C2orf80: variants seen among roughly 807,000 people sequenced by gnomAD.
C2orf80 encodes chromosome 2 open reading frame 80.
In C2orf80, 28 loss-of-function variants were observed where a neutral mutation model predicts 30.2. The observed-to-expected ratio is 0.93, with a 90% CI of 0.69 to 1.27. The LOEUF (loss-of-function observed/expected upper bound fraction) is 1.27. Ranked by LOEUF, C2orf80 falls within the 50% of genes most tolerant of loss-of-function variation. The pLI, the probability that C2orf80 is intolerant of heterozygous loss-of-function variation, is 0.00. For missense variants in C2orf80, 220 were observed against 231.0 expected (o/e 0.95, Z 0.31); for synonymous variants, 80 against 76.4 (o/e 1.05, Z -0.24).
chr2:208,172,484 C>T (rs778635817), intron 6 of C2orf80, among the ~76,000 whole-genome samples: 1 of 152,140 alleles, frequency 6.6e-6, no homozygotes, highest in East Asian at 1.9e-4. Flanking sequence ...CCCCTGCCTA[C>T]CCAATGCAGA....
At chr2:208,172,131 C>A (rs1696122199) in intron 6 of C2orf80, 56 bp from the exon 7 acceptor site, 1 of 1,323,330 alleles carries the variant, frequency 7.6e-7, no homozygotes, top group South Asian at 1.2e-5. Context: ...GGCATGAACA[C>A]CTGCTAGTCA....
chr2:208,169,999 A>G (rs1696043291), intron 8 of C2orf80, among the ~76,000 whole-genome samples: 1 of 152,182 alleles, frequency 6.6e-6, no homozygotes, highest in South Asian at 2.1e-4. Flanking sequence ...AGCCTCATGT[A>G]GTCCAGTCTA....
At chr2:208,182,129 G>A (rs971464140) in intron 4 of C2orf80, among the ~76,000 whole-genome samples, 1 of 152,090 alleles carries the variant, frequency 6.6e-6, no homozygotes, top group Non-Finnish European at 1.5e-5. Flanking sequence ...AAAATAACAG[G>A]CCTCCAGAAT....
intron 2 of C2orf80, among the ~76,000 whole-genome samples, chr2:208,186,227 T>C (rs1021661380): frequency 1.3e-5 from 2 of 152,210 alleles, no homozygotes; most frequent in African/African-American, 4.8e-5. Context: ...TCTTCTAGTA[T>C]TTCTTAAAGG....
intron 2 of C2orf80, among the ~76,000 whole-genome samples, chr2:208,186,604 A>C (rs1196931295): frequency 1.3e-5 from 2 of 152,228 alleles, no homozygotes; most frequent in Admixed American, 6.5e-5. Context: ...AATCTCTCTT[A>C]TACCTTTTAC....
At chr2:208,177,345 C>T (rs1696390885) in intron 6 of C2orf80, among the ~76,000 whole-genome samples, 2 of 151,910 alleles carry the variant, frequency 1.3e-5, no homozygotes, top group Admixed American at 1.3e-4. Flanking sequence ...AGTTCGAGAA[C>T]AGCCTGACCA....
chr2:208,167,712 G>A (rs1695945684), intron 8 of C2orf80, among the ~76,000 whole-genome samples: 1 of 151,452 alleles, frequency 6.6e-6, no homozygotes, highest in Admixed American at 6.6e-5. Context: ...TAGTAGCTGG[G>A]ATTATAGGCG....
intron 3 of C2orf80, among the ~76,000 whole-genome samples, 190 bp downstream of exon 3, chr2:208,184,761 C>A (rs1696664659): frequency 6.6e-6 from 1 of 152,116 alleles, no homozygotes; most frequent in Admixed American, 6.5e-5. Flanking sequence ...TTCTCATTCT[C>A]TTTGCTTTCT....
intron 3 of C2orf80, among the ~76,000 whole-genome samples, chr2:208,183,743 G>C (rs748105759): frequency 6.6e-6 from 1 of 152,146 alleles, no homozygotes; most frequent in Admixed American, 6.5e-5. Flanking sequence ...GAGCGGGCGG[G>C]GAAGGGGGCA....
chr2:208,185,625 C>T (rs76230524), intron 2 of C2orf80, among the ~76,000 whole-genome samples: 1,785 of 152,146 alleles, frequency 0.012, 28 homozygotes, highest in African/African-American at 0.04. Flanking sequence ...AAAGGTGCTA[C>T]CCCGGGAATG....
intron 8 of C2orf80, among the ~76,000 whole-genome samples, chr2:208,169,712 CAA>C (rs9288388): frequency 0.79 from 88,547 of 112,202 alleles, 33,733 homozygotes; most frequent in Middle Eastern, 0.84. Context: ...GACTCTGTCT[CAA>C]AAAAAAAAAA....
intron 6 of C2orf80, among the ~76,000 whole-genome samples, chr2:208,173,627 AAAAAC>A (rs981232594): frequency 3.3e-3 from 2 of 598 alleles, no homozygotes; most frequent in East Asian, 0.25. Context: ...TCCATCTCAA[AAAAAC>A]AAAAACAAAA....
chr2:208,168,277 G>A (rs1695966751), intron 8 of C2orf80: 2 of 229,102 alleles, frequency 8.7e-6, no homozygotes, highest in South Asian at 9.0e-5. Context: ...GAAGAAGAGG[G>A]AGTTCTTTTG....
intron 6 of C2orf80, among the ~76,000 whole-genome samples, chr2:208,177,999 G>T (rs1696420732): frequency 6.6e-6 from 1 of 151,770 alleles, no homozygotes; most frequent in South Asian, 2.1e-4. Context: ...TGTGTTTTTA[G>T]TAGAGATAGG....
chr2:208,185,039 A>T lies in C2orf80; in HGVS notation c.42-7T>A, dbSNP rs1696676731. On this transcript the variant is annotated splice_polypyrimidine_tract_variant and splice_region_variant and intron_variant, in intron 2 of 8. Coordinates refer to ENST00000341287, the MANE Select transcript of C2orf80 (RefSeq NM_001099334.3). Reference sequence around the variant, plus strand: ...GATGCCAATATAATCTCCCCTTAAAAGCAAGAGAGCAGCATTGAACCATTG... The same window carrying T: ...GATGCCAATATAATCTCCCCTTAAATGCAAGAGAGCAGCATTGAACCATTG... 1.2e-6 allele frequency: 2 copies of T among 1,611,028 alleles called. No individual in the cohort carries two copies. The highest frequency in any genetic ancestry group is 2.7e-5 in the African/African-American group (2 of 74,840).
At position 208,183,043 on chromosome 2, in the gene C2orf80, T is replaced by C; in HGVS notation, c.128A>G (p.His43Arg). 2 of 1,613,918 alleles carry C rather than the reference T, an allele frequency of 1.2e-6. No homozygotes were observed. The highest frequency in any genetic ancestry group is 1.7e-6 in the Non-Finnish European group (2 of 1,179,768). Residue 43 changes from histidine to arginine, a missense_variant, in exon 4 of 9, where the codon CAC (histidine) becomes CGC (arginine). Physicochemically the swap from His to Arg is conservative, Grantham distance 29 (BLOSUM62 0). Transcript: ENST00000341287. ...RQLTFLDDMA[H>R]YDLAISVALQ... is the part of the protein sequence containing the mutation. ...AGCAACACTGATGGCCAAGTCATAG[T>C]GTGCCTGGGAGCAGGAAGCACAGAG...
In C2orf80 at chr2:208,174,510, G is replaced by A. The variant is rs530495685; in HGVS notation, c.367-2435C>T. Among the ~76,000 whole-genome samples, 12 of 152,276 alleles carry A rather than the reference G, an allele frequency of 7.9e-5. No individual in the cohort carries two copies. The East Asian group carries it at 2.1e-3, about 27-fold the overall frequency. On this transcript the variant is annotated intron_variant, in intron 6 of 8. Transcript: ENST00000341287. Reference sequence around the variant, plus strand: ...ACTTGGAAATAACAGCACTAATATGGAAGGTCCCCTGGTGCCACCATCGTG... The same window carrying A: ...ACTTGGAAATAACAGCACTAATATGAAAGGTCCCCTGGTGCCACCATCGTG...
chr2:208,174,201 G>A (rs1418638081), intron 6 of C2orf80, among the ~76,000 whole-genome samples: 1 of 152,126 alleles, frequency 6.6e-6, no homozygotes, highest in Non-Finnish European at 1.5e-5. Context: ...TGATTCTCCT[G>A]CCTCAGCCTC....
At chr2:208,176,941 CTGTATACAT>C (rs1696342316) in intron 6 of C2orf80, among the ~76,000 whole-genome samples, 2 of 30,220 alleles carry the variant, frequency 6.6e-5, no homozygotes, top group Non-Finnish European at 1.1e-4. Context: ...GTATACATAT[CTGTATACAT>C]ATCTGTATAC....
Sources: allele counts gnomAD v4.1 joint callset (sites outside exome capture counted in the v4.1 genomes callset), GRCh38; gene constraint gnomAD v4.1.1; transcripts MANE v1.5; gene names NCBI Gene and HGNC (gene_info 2026-07-23, HGNC 2026-07-21).